MICAL3: variants seen among roughly 807,000 people sequenced by gnomAD.
MICAL3 encodes [F-actin]-monooxygenase MICAL3.
MICAL3 carries 62 observed loss-of-function variants against 207.4 expected under a neutral mutation model. The ratio of observed to expected loss-of-function variants is 0.30; its 90% CI spans 0.24 to 0.37. The LOEUF (loss-of-function observed/expected upper bound fraction) is 0.37. Among genes scored for constraint, MICAL3 ranks in the 10% least tolerant of loss-of-function variants. The pLI is 1.00. For missense variants in MICAL3, 2,368 were observed against 2,635.6 expected, an observed-to-expected ratio of 0.90 and a Z score of 2.22; for synonymous variants, 1,077 against 1,069.3, an observed-to-expected ratio of 1.01 and a Z score of -0.14.
intron 1 of MICAL3, chr22:18,020,106 C>T (rs1924361815): frequency 6.6e-6 from 1 of 152,018 alleles, no homozygotes; most frequent in Non-Finnish European, 1.5e-5. Context: ...AGCCACCGCG[C>T]CCGGCCAGCT....
At chr22:17,812,536 A>C in intron 27 of MICAL3, 1 of 985,860 alleles carries the variant, frequency 1.0e-6, no homozygotes, top group Middle Eastern at 5.2e-4. Context: ...CTGAATGCCA[A>C]GGCGTGTGGT....
rs764104559 is a variant in MICAL3 at position 17,871,968 on chromosome 22, A to T, written c.2297T>A (p.Phe766Tyr). 1.6e-5 allele frequency: 25 copies of T among 1,611,424 alleles called. No homozygotes were observed. The South Asian group carries it at 2.8e-4, about 18-fold the overall frequency. The change falls in exon 17 of 32, where the codon TTC becomes TAC. Residue 766 changes from phenylalanine to tyrosine, a missense_variant. Physicochemically the swap from Phe to Tyr is conservative, Grantham distance 22 (BLOSUM62 3). Around this residue, in one of 4 missense-constraint regions of MICAL3, gnomAD observed 1,770 missense variants for 1,863.2 expected, o/e 0.95. Transcript: ENST00000441493. ...QNLGGSDTCY[F>Y]CQKRVYVMER... ...CATCACGTAGACCCGCTTCTGGCAGAAGTAGCATGTGTCGCTGCCTCCCAG... is the reference window on the plus strand; with the variant it reads ...CATCACGTAGACCCGCTTCTGGCAGTAGTAGCATGTGTCGCTGCCTCCCAG...
intron 7 of MICAL3, among the ~76,000 whole-genome samples, chr22:17,898,816 G>A (rs969005885): frequency 1.2e-4 from 19 of 152,212 alleles, no homozygotes; most frequent in Non-Finnish European, 2.5e-4. Context: ...AACAGGCTGA[G>A]CTGGACCTGG....
chr22:17,919,466 C>G (rs552596081), intron 1 of MICAL3, among the ~76,000 whole-genome samples: 3 of 152,340 alleles, frequency 2.0e-5, no homozygotes, highest in Admixed American at 6.5e-5. Flanking sequence ...GGAACAGTCC[C>G]TGGACCACAA....
At chr22:17,972,762 A>C (rs1295315850) in intron 1 of MICAL3, among the ~76,000 whole-genome samples, 3 of 152,164 alleles carry the variant, frequency 2.0e-5, no homozygotes, top group African/African-American at 7.2e-5. Flanking sequence ...GAGGGAGAGG[A>C]AAGGGAGGAA....
chr22:17,877,553 G>GGTTAGGGAA (rs1569110815), intron 16 of MICAL3, among the ~76,000 whole-genome samples: 8 of 101,908 alleles, frequency 7.9e-5, no homozygotes, highest in East Asian at 3.6e-4. Flanking sequence ...AGGTGAGGGA[G>GGTTAGGGAA]GTTATGGAGG....
rs1921227040 is a variant in MICAL3, at chr22:17,818,508, T to C, written c.4153A>G (p.Ile1385Val). The C allele has an allele frequency of 1.9e-6, 3 of 1,613,212 alleles. No homozygotes were observed. Among genetic ancestry groups the C allele is most frequent in the East Asian group, 4.5e-5 (2 of 44,878 alleles). ...EGLHLLKPLS[I>V]PKRLGLPKPE... ...TTTGGCAGGCCCAGCCTTTTGGGGA[T>C]GGACAGAGGCTTGAGAAGGTGGAGT... Residue 1385 changes from isoleucine (I) to valine (V), a missense_variant, in exon 26 of 32, where the codon ATC (isoleucine) becomes GTC (valine). Ile to Val is a conservative substitution (Grantham distance 29). Transcript: ENST00000441493.
chr22:17,969,747 G>C (rs1935317050), intron 1 of MICAL3, among the ~76,000 whole-genome samples: 1 of 152,236 alleles, frequency 6.6e-6, no homozygotes, highest in Admixed American at 6.5e-5. Context: ...GATGCTGCTA[G>C]CCAGAACAGC....
At position 17,818,148 on chromosome 22, in the gene MICAL3, G is replaced by T; in HGVS notation, c.4513C>A (p.Pro1505Thr). 6.2e-7 allele frequency: 1 copy of T among 1,606,022 alleles called. No individual in the cohort carries two copies. The stretch of plus-strand genomic sequence containing the variant: ...AACGACTTCCGCACCTCCTCTCTGG[G>T]GGGCTGAGCAGGCTCCCGGGGGGGC... ...MRPPREPAQPPREEVRKSFVE... is the reference protein window; with the variant it reads ...MRPPREPAQPTREEVRKSFVE... Residue 1505 changes from proline (P) to threonine (T), a missense_variant, in exon 26 of 32, where the codon CCC becomes ACC. Coordinates refer to ENST00000441493, the MANE Select transcript of MICAL3 (RefSeq NM_015241.3).
intron 1 of MICAL3, among the ~76,000 whole-genome samples, chr22:17,969,853 C>A (rs1935320917): frequency 6.6e-6 from 1 of 152,216 alleles, no homozygotes; most frequent in Admixed American, 6.5e-5. Flanking sequence ...GCTCTCAGCT[C>A]TCCCTGTGTG....
At chr22:17,816,555 C>T in intron 27 of MICAL3, 135 bp downstream of exon 27, 1 of 716,116 alleles carries the variant, frequency 1.4e-6, no homozygotes, top group South Asian at 1.7e-5. Flanking sequence ...GCTGGGTCAG[C>T]AGTCAGCTGG....
At chr22:17,881,291 C>T (rs1227821330) in intron 16 of MICAL3, 4 of 1,606,044 alleles carry the variant, frequency 2.5e-6, no homozygotes, top group Non-Finnish European at 3.4e-6. Context: ...CGAGAACACT[C>T]CTTTTCCCGT....
Position 17,790,607 on chromosome 22 carries a change from A to C in MICAL3, c.*125T>G. ...GGGACTCGACCACTTTCCAAGCAGC[A>C]CACGGGCATCTGAGCGTAAACTCCA... On this transcript the variant is annotated 3_prime_UTR_variant, in exon 32 of 32. Coordinates refer to ENST00000441493, the MANE Select transcript of MICAL3 (RefSeq NM_015241.3). 1 of 858,870 alleles carries C rather than the reference A, an allele frequency of 1.2e-6. No individual in the cohort carries two copies. The allele number at this position is 858,870 out of a possible 1,614,324, so 53.2% of individuals were successfully genotyped here. A position where few individuals can be genotyped will look rare whatever the true frequency, so the allele number is the denominator to read the frequency against.
At position 17,789,110 on chromosome 22, in the gene MICAL3, G is replaced by A. The variant is rs2061806692; in HGVS notation, c.*1622C>T. On this transcript the variant is annotated 3_prime_UTR_variant, in exon 32 of 32. Coordinates refer to ENST00000441493, the MANE Select transcript of MICAL3 (RefSeq NM_015241.3). ...GTGAGAAAGGAACAGTTTGGCTATA[G>A]GAGCTAGTGATTCGGGGCTCGCCCT... 6.6e-6 allele frequency: 1 copy of A among 152,332 alleles called. No individual in the cohort carries two copies. Among genetic ancestry groups the A allele is most frequent in the Non-Finnish European group, 1.5e-5 (1 of 68,084 alleles). The allele number at this position is 152,332 out of a possible 1,614,324, so 9.4% of individuals were successfully genotyped here.
chr22:18,022,022 C>A (rs1347842810), intron 1 of MICAL3, among the ~76,000 whole-genome samples: 1 of 152,164 alleles, frequency 6.6e-6, no homozygotes, highest in Non-Finnish European at 1.5e-5. Context: ...GTGGGTAGAT[C>A]ACATTTTCTA....
intron 21 of MICAL3, among the ~76,000 whole-genome samples, chr22:17,829,429 A>G (rs575240348): frequency 6.6e-6 from 1 of 152,200 alleles, no homozygotes; most frequent in Admixed American, 6.5e-5. Flanking sequence ...TCGGCCTCCC[A>G]AAGTGCTGGG....
chr22:17,795,646 AAAG>A (rs2061867905), intron 29 of MICAL3, among the ~76,000 whole-genome samples: 2 of 152,382 alleles, frequency 1.3e-5, no homozygotes, highest in Admixed American at 6.5e-5. Context: ...GCAAGCATTT[AAAG>A]AAGCCAAAAA....
intron 29 of MICAL3, among the ~76,000 whole-genome samples, chr22:17,794,827 C>T (rs1454630272): frequency 4.6e-5 from 7 of 152,044 alleles, no homozygotes; most frequent in Non-Finnish European, 7.3e-5. Flanking sequence ...TACTCAAGGA[C>T]GAGGGAGAGG....
intron 1 of MICAL3, among the ~76,000 whole-genome samples, chr22:17,928,289 A>C (rs1238609287): frequency 6.6e-6 from 1 of 152,140 alleles, no homozygotes; most frequent in African/African-American, 2.4e-5. Flanking sequence ...AATACAAAAA[A>C]TTAGCGGGGC....
Sources: gnomAD v4.1 joint callset for allele counts (sites outside exome capture counted in the v4.1 genomes callset) on GRCh38, gnomAD v4.1.1 for gene constraint, gnomAD v4.1.1 regional missense constraint, MANE v1.5 for transcripts, NCBI Gene and HGNC (gene_info 2026-07-23, HGNC 2026-07-21) for gene names.